Variants in TIMM17B observed in about 807,000 individuals in gnomAD.
TIMM17B encodes translocase of inner mitochondrial membrane 17B, also known as mitochondrial import inner membrane translocase subunit Tim17-B.
In TIMM17B, 10 loss-of-function variants were observed where a neutral mutation model predicts 15.9. The ratio of observed to expected loss-of-function variants is 0.63; its 90% CI spans 0.39 to 1.06. The LOEUF is 1.06. Among genes scored for constraint, TIMM17B ranks in the 50% least tolerant of loss-of-function variants. The probability of loss-of-function intolerance (pLI) is 0.01; values close to 1 mark genes in which losing one functional copy is unlikely to be tolerated. For synonymous variants in TIMM17B, 57 were observed against 57.2 expected (o/e 1.00, Z 0.02); for missense variants, 114 against 152.2 (o/e 0.75, Z 1.32).
In TIMM17B at chrX:48,893,891, G is replaced by C; in HGVS notation, c.430+9C>G. 8.3e-7 allele frequency: 1 copy of C among 1,203,202 alleles called. No individual in the cohort carries two copies. The highest frequency in any genetic ancestry group is 3.0e-5 in the East Asian group (1 of 33,756). ...GTATTTCCCACTCCCCCGACCACCA[G>C]TTACTCACCATTTCGGAACTGCTGG... On this transcript the variant is annotated intron_variant, in intron 6 of 6. Coordinates refer to ENST00000376582, the Ensembl canonical transcript of TIMM17B.
At chrX:48,895,088 C>T (rs782223250) in exon 4 of TIMM17B, 4 of 1,197,347 alleles carry the variant, frequency 3.3e-6, no homozygotes, top group Middle Eastern at 2.3e-4. Flanking sequence ...ACCTCTCAAC[C>T]GGTGCCGAAT....
chrX:48,895,651 C>T (rs2063303590), intron 3 of TIMM17B: 3 of 426,230 alleles, frequency 7.0e-6, no homozygotes, highest in Admixed American at 3.8e-5. Context: ...AGGGGAGGGA[C>T]GGGGCTACAT....
chrX:48,896,164 A>C (rs2063309289), intron 3 of TIMM17B: 1 of 106,189 alleles, frequency 9.4e-6, no homozygotes. Flanking sequence ...AAAAAAAAAA[A>C]AAAAAAAAAA....
rs1477830603 is a variant in TIMM17B at position 48,896,609 on chromosome X, A to T, written c.126+150T>A. On this transcript the variant is annotated intron_variant, in intron 3 of 6. Coordinates refer to ENST00000376582, the Ensembl canonical transcript of TIMM17B. ...GTTTGCAATCCCTACAAAATCCCAGATACAGGAGCCAGGCTCGGCACATAG... is the reference window on the plus strand; with the variant it reads ...GTTTGCAATCCCTACAAAATCCCAGTTACAGGAGCCAGGCTCGGCACATAG... The T allele has an allele frequency of 9.3e-6, 10 of 1,076,606 alleles. No individual in the cohort carries two copies. The Admixed American group carries it at 3.5e-4, about 38-fold the overall frequency. 88.7% of individuals were successfully genotyped at this position (1,076,606 alleles called of 1,213,427 possible).
chrX:48,894,895 A>G (rs1225015567), intron 4 of TIMM17B, 143 bp downstream of exon 3: 1 of 518,461 alleles, frequency 1.9e-6, no homozygotes, highest in Non-Finnish European at 3.3e-6. Flanking sequence ...CTCCATATTC[A>G]ATTGTTGGGA....
At chrX:48,895,632 C>A in intron 3 of TIMM17B, 1 of 444,945 alleles carries the variant, frequency 2.2e-6, no homozygotes, top group Non-Finnish European at 4.0e-6. Flanking sequence ...AGGAGAGTTC[C>A]AGGAGTCTAG....
intron 1 of TIMM17B, 151 bp from the exon 1 acceptor site, chrX:48,897,919 T>A: frequency 1.1e-6 from 1 of 896,823 alleles, no homozygotes; most frequent in Non-Finnish European, 1.5e-6. Context: ...CATTGCCTCC[T>A]GAGCGTAGTC....
At position 48,894,165 on chromosome X, in the gene TIMM17B, C is replaced by T. The variant is rs959877221; in HGVS notation, c.251G>A (p.Arg84Gln). ...AGAGTTCCAGGGATCCTCCTTGCCCCGAAGCCGCACCAGGCCACAGTCGAT... is the reference window on the plus strand; with the variant it reads ...AGAGTTCCAGGGATCCTCCTTGCCCTGAAGCCGCACCAGGCCACAGTCGAT... The change falls in exon 5 of 7, where the codon CGG becomes CAG. Residue 84 changes from arginine to glutamine, a missense_variant. Coordinates refer to ENST00000376582, the Ensembl canonical transcript of TIMM17B. 8.3e-6 allele frequency: 10 copies of T among 1,204,320 alleles called. No individual in the cohort carries two copies. Among genetic ancestry groups the T allele is most frequent in the Admixed American group, 2.2e-5 (1 of 45,296 alleles).
intron 1 of TIMM17B, 160 bp from the exon 1 acceptor site, chrX:48,897,928 TC>T (rs1350849230): frequency 1.5e-5 from 13 of 876,186 alleles, no homozygotes; most frequent in Non-Finnish European, 2.0e-5. Flanking sequence ...CTGAGCGTAG[TC>T]CAGTTACTTT....
chrX:48,897,561 C>A (rs1557039795), intron 2 of TIMM17B, 163 bp downstream of exon 1: 1 of 474,747 alleles, frequency 2.1e-6, no homozygotes, highest in South Asian at 3.0e-5. Context: ...CCCCTCATAA[C>A]GGAGCCCGAA....
At chrX:48,896,544 C>T (rs2063314634) in intron 3 of TIMM17B, 3 of 733,639 alleles carry the variant, frequency 4.1e-6, no homozygotes, top group Non-Finnish European at 5.8e-6. Flanking sequence ...CACAGAGGAG[C>T]TCCAGTTGGG....
chrX:48,895,588 C>T, intron 3 of TIMM17B: 1 of 472,407 alleles, frequency 2.1e-6, no homozygotes, highest in Non-Finnish European at 3.8e-6. Flanking sequence ...GTGCTGAGAC[C>T]TTGAGGATGA....
chrX:48,897,780 A>G lies in TIMM17B; in HGVS notation c.-31T>C. 1 of 1,206,935 alleles carries G rather than the reference A, an allele frequency of 8.3e-7. No homozygotes were observed. ...TGGCGTCTGGCCGCGCAGTCAGGCC[A>G]CGCCCCCAGCGTAGACGCACACCGG... On this transcript the variant is annotated 5_prime_UTR_variant, in exon 2 of 7. Transcript: ENST00000376582.
At chrX:48,897,762 T>A in exon 2 of TIMM17B, 3 of 1,209,329 alleles carry the variant, frequency 2.5e-6, no homozygotes, top group Non-Finnish European at 3.4e-6. Flanking sequence ...CGCTGGCGTC[T>A]GGCCGCGCAG....
In TIMM17B at chrX:48,893,846, A is replaced by G. The variant is rs368218817; in HGVS notation, c.431-29T>C. The G allele has an allele frequency of 2.5e-6, 3 of 1,179,139 alleles. No homozygotes were observed. In the African/African-American group the frequency reaches 5.3e-5, roughly 21 times the overall value. Reference sequence around the variant, plus strand: ...GAGAAGGGAGACTTGGGTAAGGATGAGTGGAAGAGGCCAGGTGGAGTATTT... The same window carrying G: ...GAGAAGGGAGACTTGGGTAAGGATGGGTGGAAGAGGCCAGGTGGAGTATTT... On this transcript the variant is annotated intron_variant, in intron 6 of 6. Coordinates refer to ENST00000376582, the Ensembl canonical transcript of TIMM17B.
At chrX:48,898,140 C>G (rs1313039960) in exon 1 of TIMM17B, 3 of 1,020,140 alleles carry the variant, frequency 2.9e-6, no homozygotes, top group Non-Finnish European at 3.8e-6. Context: ...CCTCTGCTCC[C>G]CCATCCCAGC....
exon 7 of TIMM17B, chrX:48,893,712 T>C: frequency 8.8e-7 from 1 of 1,134,044 alleles, no homozygotes. Context: ...GTAGCTCCCA[T>C]GGTGGCAGTG....
chrX:48,895,299 C>T (rs782052010), intron 3 of TIMM17B, 198 bp from the exon 3 acceptor site: 2 of 501,777 alleles, frequency 4.0e-6, no homozygotes, highest in East Asian at 7.3e-5. Context: ...AGTGCTAATT[C>T]ATTCATACAT....
chrX:48,897,951 A>G lies in TIMM17B; in HGVS notation c.-73+116T>C, dbSNP rs781841269. On this transcript the variant is annotated intron_variant, in intron 1 of 6. Coordinates refer to ENST00000376582, the Ensembl canonical transcript of TIMM17B. ...AGTCCAGTTACTTTCAGGCTCGGGG[A>G]GTGAAGGCCTCGTTGAGAGAAGGTC... is the stretch of plus-strand genomic sequence containing the variant. The G allele has an allele frequency of 8.3e-4, 717 of 864,017 alleles. 3 individuals carry two copies. The highest frequency in any genetic ancestry group is 4.3e-4 in the Non-Finnish European group (272 of 638,863). The allele number at this position is 864,017 out of a possible 1,213,427, so 71.2% of individuals were successfully genotyped here. A position where few individuals can be genotyped will look rare whatever the true frequency, so the allele number is the denominator to read the frequency against.
Sources: gnomAD v4.1 joint callset for allele counts on GRCh38, gnomAD v4.1.1 for gene constraint, MANE v1.5 for transcripts, NCBI Gene and HGNC (gene_info 2026-07-23, HGNC 2026-07-21) for gene names.